The following GPHN variants were observed in gnomAD, a reference collection of about 807,000 sequenced individuals.
GPHN encodes gephyrin.
Under a neutral mutation model 95.5 loss-of-function variants are expected in GPHN, and 17 were observed. The observed-to-expected ratio is 0.18, with a 90% CI of 0.12 to 0.27. The LOEUF (loss-of-function observed/expected upper bound fraction) is 0.27. Ranked by LOEUF, GPHN falls within the 10% of genes least tolerant of loss-of-function variation. GPHN has a pLI of 1.00. For synonymous variants in GPHN, 320 were observed against 322.5 expected, an observed-to-expected ratio of 0.99 and a Z score of 0.08; for missense variants, 660 against 978.1, an observed-to-expected ratio of 0.67 and a Z score of 4.34.
intron 2 of GPHN, among the ~76,000 whole-genome samples, chr14:66,700,984 T>G (rs1013372672): frequency 1.4e-4 from 21 of 152,352 alleles, no homozygotes; most frequent in Middle Eastern, 3.4e-3. Context: ...TATTTGAAAT[T>G]TGCTTATGAA....
the GPHN span, among the ~76,000 whole-genome samples, chr14:67,719,007 C>G: frequency 9.2e-5 from 14 of 152,174 alleles, no homozygotes; most frequent in African/African-American, 3.4e-4. Flanking sequence ...GAGAATTTAT[C>G]CAGTAAGATA....
At chr14:67,237,123 T>C in the GPHN span, among the ~76,000 whole-genome samples, 1 of 151,790 alleles carries the variant, frequency 6.6e-6, no homozygotes, top group Non-Finnish European at 1.5e-5. Context: ...TATATATTTA[T>C]TTACTAGAAC....
the GPHN span, chr14:67,562,176 C>G: frequency 9.3e-6 from 15 of 1,611,600 alleles, no homozygotes; most frequent in Middle Eastern, 1.7e-4. Flanking sequence ...CTGGTGCCCC[C>G]CTACGGAGCT....
chr14:67,631,973 C>T, the GPHN span, among the ~76,000 whole-genome samples: 1 of 152,198 alleles, frequency 6.6e-6, no homozygotes, highest in African/African-American at 2.4e-5. Context: ...CTCATGGGCT[C>T]AAGTGATTCT....
At chr14:66,894,776 A>G (rs1379027505) in intron 5 of GPHN, among the ~76,000 whole-genome samples, 1 of 152,246 alleles carries the variant, frequency 6.6e-6, no homozygotes, top group Admixed American at 6.5e-5. Flanking sequence ...ATCACTGGCC[A>G]TCAGAGAAAT....
chr14:67,368,438 A>G, the GPHN span, among the ~76,000 whole-genome samples: 1 of 152,216 alleles, frequency 6.6e-6, no homozygotes, highest in Non-Finnish European at 1.5e-5. Context: ...CACAAATGTC[A>G]GAGCCTCAAG....
chr14:67,098,212 C>T (rs189970835), intron 12 of GPHN, among the ~76,000 whole-genome samples: 14 of 152,216 alleles, frequency 9.2e-5, no homozygotes, highest in Non-Finnish European at 1.5e-5. Flanking sequence ...GTTGGCACTG[C>T]ACTAAAATAG....
At chr14:66,729,180 A>T (rs1052053559) in intron 2 of GPHN, among the ~76,000 whole-genome samples, 9 of 152,148 alleles carry the variant, frequency 5.9e-5, no homozygotes, top group African/African-American at 2.2e-4. Context: ...TCAAACTGTA[A>T]GTCCATTAAA....
chr14:67,529,200 G>T, the GPHN span, among the ~76,000 whole-genome samples: 1 of 151,994 alleles, frequency 6.6e-6, no homozygotes, highest in Non-Finnish European at 1.5e-5. Context: ...TACAAACGAG[G>T]AACACCTTCC....
chr14:67,411,714 C>A, the GPHN span, among the ~76,000 whole-genome samples: 1 of 152,206 alleles, frequency 6.6e-6, no homozygotes, highest in Non-Finnish European at 1.5e-5. Context: ...AAATATCATA[C>A]CATTCATAAT....
At chr14:67,366,310 G>A in the GPHN span, among the ~76,000 whole-genome samples, 30 of 152,230 alleles carry the variant, frequency 2.0e-4, no homozygotes, top group South Asian at 1.0e-3. Context: ...GGGCTCAAGC[G>A]ATTCTCCTGC....
chr14:67,678,320 G>A, the GPHN span: 1 of 1,599,700 alleles, frequency 6.3e-7, no homozygotes, highest in African/African-American at 1.3e-5. Context: ...GGCACTGCCT[G>A]TTAGTCTATT....
In GPHN at chr14:67,174,393, A is replaced by G. The variant is rs192402833; in HGVS notation, c.2080-5185A>G. Among the ~76,000 whole-genome samples, 37 of 152,252 alleles carry G rather than the reference A, an allele frequency of 2.4e-4. No individual in the cohort carries two copies. The East Asian group carries it at 6.4e-3, about 26-fold the overall frequency. ...ATGGTTTCCAGCTTAATCCATGTCCATGCAAAGGACATGAACTCATCCATT... is the reference window on the plus strand; with the variant it reads ...ATGGTTTCCAGCTTAATCCATGTCCGTGCAAAGGACATGAACTCATCCATT... On this transcript the variant is annotated intron_variant, in intron 21 of 22. Transcript: ENST00000478722.
At chr14:67,477,120 C>T in the GPHN span, among the ~76,000 whole-genome samples, 5 of 151,066 alleles carry the variant, frequency 3.3e-5, no homozygotes, top group East Asian at 1.9e-4. Context: ...GAGTCGCGAT[C>T]GCACCATTGC....
chr14:67,587,313 T>C, the GPHN span: 1 of 1,529,280 alleles, frequency 6.5e-7, no homozygotes, highest in Non-Finnish European at 9.1e-7. Context: ...ATGATACTAC[T>C]GTGACGGGTC....
the GPHN span, chr14:67,201,841 A>AG: frequency 4.9e-6 from 1 of 204,106 alleles, no homozygotes; most frequent in Non-Finnish European, 1.0e-5. Flanking sequence ...ACTACAGTGT[A>AG]GCTCCTCTCT....
At chr14:66,919,232 T>C (rs1333635519) in intron 6 of GPHN, among the ~76,000 whole-genome samples, 2 of 152,250 alleles carry the variant, frequency 1.3e-5, no homozygotes, top group African/African-American at 4.8e-5. Flanking sequence ...TTAGTTCTAC[T>C]GCCCTGCTCT....
chr14:66,993,821 G>A (rs867569803), intron 9 of GPHN, among the ~76,000 whole-genome samples: 2 of 151,802 alleles, frequency 1.3e-5, no homozygotes, highest in Non-Finnish European at 2.9e-5. Flanking sequence ...TTCCTTGTTT[G>A]GCATTTTGGC....
At chr14:66,593,362 G>A (rs2061839201) in intron 1 of GPHN, among the ~76,000 whole-genome samples, 4 of 151,800 alleles carry the variant, frequency 2.6e-5, no homozygotes, top group Non-Finnish European at 4.4e-5. Context: ...AAGAGGTTTA[G>A]TTGACTCACA....
Sources: allele counts gnomAD v4.1 joint callset (sites outside exome capture counted in the v4.1 genomes callset), GRCh38; gene constraint gnomAD v4.1.1; transcripts MANE v1.5; gene names NCBI Gene and HGNC (gene_info 2026-07-23, HGNC 2026-07-21).